The following ADGRB3 variants were observed in gnomAD, a reference collection of about 807,000 sequenced individuals.
The protein encoded by ADGRB3 is brain-specific angiogenesis inhibitor 3.
In ADGRB3, 37 loss-of-function variants were observed where a neutral mutation model predicts 193.4. The observed-to-expected ratio is 0.19, with a 90% CI of 0.15 to 0.25. The LOEUF (loss-of-function observed/expected upper bound fraction) is 0.25, where lower values mean the gene tolerates loss of function less well. Ranked by LOEUF, ADGRB3 falls within the 10% of genes least tolerant of loss-of-function variation. ADGRB3 has a pLI of 1.00. For missense variants in ADGRB3, 1,637 were observed against 1,852.9 expected (o/e 0.88, Z 2.14); for synonymous variants, 690 against 644.2 (o/e 1.07, Z -1.08).
At chr6:68,691,172 A>T (rs1765065965) in intron 3 of ADGRB3, among the ~76,000 whole-genome samples, 1 of 152,112 alleles carries the variant, frequency 6.6e-6, no homozygotes, top group Admixed American at 6.6e-5. Context: ...GAATATTTGA[A>T]TGGATCTTAA....
At chr6:68,751,199 C>T (rs931555483) in intron 3 of ADGRB3, among the ~76,000 whole-genome samples, 1 of 152,184 alleles carries the variant, frequency 6.6e-6, no homozygotes, top group African/African-American at 2.4e-5. Context: ...GATATAACTG[C>T]TCTCATGCTT....
chr6:68,940,752 C>T (rs999274801), intron 5 of ADGRB3, among the ~76,000 whole-genome samples: 4 of 151,750 alleles, frequency 2.6e-5, no homozygotes, highest in Non-Finnish European at 5.9e-5. Flanking sequence ...ATTAGCCAGA[C>T]GTGGTGCCGC....
intron 17 of ADGRB3, among the ~76,000 whole-genome samples, chr6:69,226,657 C>T (rs1276206780): frequency 6.6e-6 from 1 of 152,222 alleles, no homozygotes; most frequent in East Asian, 1.9e-4. Flanking sequence ...CTTAAAACAA[C>T]AACCATTATT....
intron 3 of ADGRB3, among the ~76,000 whole-genome samples, chr6:68,750,733 G>C (rs997575938): frequency 6.6e-6 from 1 of 152,170 alleles, no homozygotes. Flanking sequence ...TGAGGGTGCT[G>C]GCTGAGGATG....
At chr6:69,323,948 T>A (rs1768515573) in intron 20 of ADGRB3, among the ~76,000 whole-genome samples, 1 of 152,124 alleles carries the variant, frequency 6.6e-6, no homozygotes, top group Non-Finnish European at 1.5e-5. Flanking sequence ...TGTCTTTGTT[T>A]TGCCATTTTC....
At chr6:68,784,411 T>G (rs1766919453) in intron 3 of ADGRB3, among the ~76,000 whole-genome samples, 1 of 152,166 alleles carries the variant, frequency 6.6e-6, no homozygotes, top group Admixed American at 6.6e-5. Flanking sequence ...TTTGTCACAA[T>G]TATGTGATAT....
chr6:69,108,633 T>C (rs1773284108), intron 17 of ADGRB3, among the ~76,000 whole-genome samples: 1 of 152,104 alleles, frequency 6.6e-6, no homozygotes, highest in Non-Finnish European at 1.5e-5. Flanking sequence ...AAGAGAAGAA[T>C]GATGTGGAGA....
intron 3 of ADGRB3, among the ~76,000 whole-genome samples, chr6:68,886,962 G>A (rs1765927222): frequency 6.7e-6 from 1 of 150,194 alleles, no homozygotes; most frequent in Admixed American, 6.7e-5. Context: ...TGTAAGTCTG[G>A]GTGGTTTGCA....
At chr6:69,024,315 CTTAAG>C (rs552789862) in intron 13 of ADGRB3, among the ~76,000 whole-genome samples, 41 of 152,066 alleles carry the variant, frequency 2.7e-4, no homozygotes, top group East Asian at 3.9e-4. Flanking sequence ...AGTTCAGTGT[CTTAAG>C]TTAAGATAAA....
intron 3 of ADGRB3, among the ~76,000 whole-genome samples, chr6:68,884,977 T>C (rs899732977): frequency 1.3e-5 from 2 of 152,102 alleles, no homozygotes; most frequent in African/African-American, 4.8e-5. Flanking sequence ...GTAATATAGG[T>C]AGAGAGATAA....
chr6:68,887,051 T>A (rs958429553), intron 3 of ADGRB3, among the ~76,000 whole-genome samples: 1 of 148,356 alleles, frequency 6.7e-6, no homozygotes, highest in African/African-American at 2.5e-5. Flanking sequence ...TTTATAACTC[T>A]GTTGTAAATA....
At chr6:68,674,852 G>C (rs1183201318) in intron 3 of ADGRB3, among the ~76,000 whole-genome samples, 1 of 152,150 alleles carries the variant, frequency 6.6e-6, no homozygotes, top group Non-Finnish European at 1.5e-5. Context: ...AATGTTTCTA[G>C]TTCCAAATCG....
intron 20 of ADGRB3, among the ~76,000 whole-genome samples, chr6:69,309,513 A>T (rs939822748): frequency 1.3e-5 from 2 of 151,700 alleles, no homozygotes; most frequent in African/African-American, 4.8e-5. Flanking sequence ...TCATAATCTG[A>T]TTTCTCTTTG....
At chr6:68,944,197 A>G (rs578012839) in intron 6 of ADGRB3, among the ~76,000 whole-genome samples, 6 of 152,162 alleles carry the variant, frequency 3.9e-5, no homozygotes, top group Non-Finnish European at 7.3e-5. Context: ...GTGTCAATCA[A>G]CATTTACCTT....
At chr6:68,896,655 T>A (rs977871889) in intron 3 of ADGRB3, among the ~76,000 whole-genome samples, 4 of 152,048 alleles carry the variant, frequency 2.6e-5, no homozygotes, top group African/African-American at 9.7e-5. Context: ...AGAAAGCGTA[T>A]GGGGAAAGGA....
intron 17 of ADGRB3, among the ~76,000 whole-genome samples, chr6:69,138,819 C>A (rs1774227208): frequency 6.6e-6 from 1 of 152,080 alleles, no homozygotes. Context: ...CATCATAATT[C>A]AAATAACTAA....
At chr6:68,809,084 T>A (rs549480496) in intron 3 of ADGRB3, among the ~76,000 whole-genome samples, 6 of 151,996 alleles carry the variant, frequency 3.9e-5, no homozygotes, top group Non-Finnish European at 8.8e-5. Context: ...TTAAAAAAAA[T>A]TTTTTTGCAT....
chr6:69,310,660 C>T (rs983680209), intron 20 of ADGRB3, among the ~76,000 whole-genome samples: 2 of 151,512 alleles, frequency 1.3e-5, no homozygotes, highest in Admixed American at 6.6e-5. Context: ...CCATAATTTC[C>T]GGTAGATGTT....
At chr6:69,144,896 T>TTTCTTTCTTTCTTTCC (rs1774441395) in intron 17 of ADGRB3, among the ~76,000 whole-genome samples, 1 of 151,244 alleles carries the variant, frequency 6.6e-6, no homozygotes, top group African/African-American at 2.4e-5. Flanking sequence ...TCTTTCTTTC[T>TTTCTTTCTTTCTTTCC]TTCTTTCTTT....
Sources: allele counts gnomAD v4.1 joint callset (sites outside exome capture counted in the v4.1 genomes callset), GRCh38; gene constraint gnomAD v4.1.1; transcripts MANE v1.5; gene names NCBI Gene and HGNC (gene_info 2026-07-23, HGNC 2026-07-21).